Variants in KIF14 observed in about 807,000 individuals in gnomAD.
The protein encoded by KIF14 is kinesin family member 14, also known as kinesin-like protein KIF14.
KIF14 carries 98 observed loss-of-function variants against 176.2 expected under a neutral mutation model. That is an observed-to-expected ratio of 0.56 (90% CI 0.47 to 0.66). The LOEUF (loss-of-function observed/expected upper bound fraction) is 0.66. KIF14 is among the 30% of genes least tolerant of loss of function. KIF14 has a pLI of 0.00. For synonymous variants in KIF14, 566 were observed against 632.2 expected, an observed-to-expected ratio of 0.90 and a Z score of 1.57; for missense variants, 1,751 against 1,920.4, an observed-to-expected ratio of 0.91 and a Z score of 1.65.
intron 5 of KIF14, 54 bp from the exon 6 acceptor site, chr1:200,606,852 C>T: frequency 7.5e-7 from 1 of 1,336,912 alleles, no homozygotes; most frequent in East Asian, 2.3e-5. Context: ...TTTCATGTAA[C>T]TTGAAATGAT....
chr1:200,619,105 T>C (rs1309118430), intron 1 of KIF14, among the ~76,000 whole-genome samples: 3 of 152,216 alleles, frequency 2.0e-5, no homozygotes, highest in Admixed American at 1.3e-4. Flanking sequence ...ACAATTCCCA[T>C]TTCTTTAGTC....
At chr1:200,613,957 C>A (rs1660281877) in intron 4 of KIF14, among the ~76,000 whole-genome samples, 1 of 152,190 alleles carries the variant, frequency 6.6e-6, no homozygotes, top group African/African-American at 2.4e-5. Context: ...TTCTGATTCA[C>A]GTTGTCCAAA....
At position 200,559,313 on chromosome 1, in the gene KIF14, T is replaced by C; in HGVS notation, c.4353+17A>G. 6.5e-7 allele frequency: 1 copy of C among 1,526,824 alleles called. No individual in the cohort carries two copies. The highest frequency in any genetic ancestry group is 1.3e-5 in the South Asian group (1 of 77,094). The allele number at this position is 1,526,824 out of a possible 1,614,324, so 94.6% of individuals were successfully genotyped here. ...TATTATTTAGTACTGTACAGAATAT[T>C]CTTTTATTCATCTTACCTCATTTTT... On this transcript the variant is annotated intron_variant, in intron 27 of 29. Coordinates refer to ENST00000367350, the MANE Select transcript of KIF14 (RefSeq NM_014875.3).
intron 5 of KIF14, among the ~76,000 whole-genome samples, chr1:200,608,404 G>A (rs953457008): frequency 2.1e-4 from 31 of 145,476 alleles, no homozygotes; most frequent in African/African-American, 6.4e-4. Flanking sequence ...TCACTCTGTC[G>A]CCCAGGCTGG....
Position 200,603,913 on chromosome 1 carries a change from T to A in KIF14, c.1789A>T (p.Ser597Cys). 1 of 1,613,786 alleles carries A rather than the reference T, an allele frequency of 6.2e-7. No individual in the cohort carries two copies. The highest frequency in any genetic ancestry group is 8.5e-7 in the Non-Finnish European group (1 of 1,179,702). ...GCCAGATCTATTAGGTTAATTCGAC[T>A]TGTTATTCTGTGATCGTGTTCTTCC... ...EGEEHDHRITSRINLIDLAGS... is the reference protein window; with the variant it reads ...EGEEHDHRITCRINLIDLAGS... Residue 597 changes from serine to cysteine, a missense_variant, in exon 9 of 30, where the codon AGT becomes TGT. Transcript: ENST00000367350.
intron 27 of KIF14, among the ~76,000 whole-genome samples, chr1:200,558,487 T>C (rs562249635): frequency 6.6e-6 from 1 of 152,328 alleles, no homozygotes; most frequent in East Asian, 1.9e-4. Flanking sequence ...GTTGGGTAAT[T>C]AGGCAAAATA....
In KIF14 at chr1:200,573,427, C is replaced by CTTTTTTTTTTTTTTTTTTTTTTTTTTT. The variant is rs869174532; in HGVS notation, c.3566+2163_3566+2164insAAAAAAAAAAAAAAAAAAAAAAAAAAA. Among the ~76,000 whole-genome samples, 36 of 77,736 alleles carry CTTTTTTTTTTTTTTTTTTTTTTTTTTT rather than the reference C, an allele frequency of 4.6e-4. 4 individuals are homozygous for CTTTTTTTTTTTTTTTTTTTTTTTTTTT. Among genetic ancestry groups the CTTTTTTTTTTTTTTTTTTTTTTTTTTT allele is most frequent in the African/African-American group, 6.8e-4 (12 of 17,556 alleles). 51.0% of individuals were successfully genotyped at this position (77,736 alleles called of 152,430 possible). ...TTCCCTACACTCAAGGAGCTCATTT[C>CTTTTTTTTTTTTTTTTTTTTTTTTTTT]TTTTTTTTTTTTTTTTTTTTTTTTG... On this transcript the variant is annotated intron_variant, in intron 22 of 29. Coordinates refer to ENST00000367350, the MANE Select transcript of KIF14 (RefSeq NM_014875.3).
chr1:200,600,509 GATTT>G lies in KIF14; in HGVS notation c.2153-10_2153-7del. On this transcript the variant is annotated splice_polypyrimidine_tract_variant and splice_region_variant and intron_variant, in intron 11 of 29. Transcript: ENST00000367350. ...TGCAATTTCTGCCTTCAATTCTGAAGATTTATACAAAGATGCATTAATAATAACA... is the reference window on the plus strand; with the variant it reads ...TGCAATTTCTGCCTTCAATTCTGAAGATACAAAGATGCATTAATAATAACA... The G allele has an allele frequency of 6.2e-7, 1 of 1,602,606 alleles. No individual in the cohort carries two copies. The highest frequency in any genetic ancestry group is 8.5e-7 in the Non-Finnish European group (1 of 1,170,076).
chr1:200,560,914 C>T, intron 25 of KIF14, 34 bp from the exon 26 acceptor site: 1 of 1,585,738 alleles, frequency 6.3e-7, no homozygotes, highest in South Asian at 1.1e-5. Context: ...GTATCAGATA[C>T]ATGAGATTAT....
At chr1:200,589,839 G>A (rs1658962598) in intron 17 of KIF14, among the ~76,000 whole-genome samples, 1 of 151,792 alleles carries the variant, frequency 6.6e-6, no homozygotes, top group Non-Finnish European at 1.5e-5. Flanking sequence ...TTTTTGGAGA[G>A]ACCGGTTTCC....
At chr1:200,588,010 C>T (rs558905903) in intron 18 of KIF14, among the ~76,000 whole-genome samples, 1 of 152,156 alleles carries the variant, frequency 6.6e-6, no homozygotes, top group Admixed American at 6.5e-5. Flanking sequence ...CCCCAACTCC[C>T]ACCCTGGTTT....
chr1:200,588,979 T>C (rs1356868242), intron 18 of KIF14, among the ~76,000 whole-genome samples: 2 of 152,202 alleles, frequency 1.3e-5, no homozygotes, highest in Non-Finnish European at 2.9e-5. Context: ...TGTAGATGCA[T>C]AAAAAGAGAA....
chr1:200,593,441 C>T (rs1659153535), intron 15 of KIF14, among the ~76,000 whole-genome samples: 1 of 152,164 alleles, frequency 6.6e-6, no homozygotes, highest in Non-Finnish European at 1.5e-5. Context: ...CTTTATAGGA[C>T]ACATAATGAT....
In KIF14 at chr1:200,613,950, T is replaced by A. The variant is rs113765613; in HGVS notation, c.1455+368A>T. 9.4e-3 allele frequency among the ~76,000 whole-genome samples: 1,437 copies of A among 152,366 alleles called. 26 individuals carry two copies. Among genetic ancestry groups the A allele is most frequent in the African/African-American group, 0.032 (1,323 of 41,588 alleles). On this transcript the variant is annotated intron_variant, in intron 4 of 29. Transcript: ENST00000367350. ...CAAATCCCAATTTCACTACTCTTTC[T>A]GATTCACGTTGTCCAAAAGGTTATG...
chr1:200,591,106 A>G (rs564133223), intron 16 of KIF14, among the ~76,000 whole-genome samples: 6 of 152,330 alleles, frequency 3.9e-5, no homozygotes, highest in Non-Finnish European at 7.3e-5. Context: ...TATACAATTA[A>G]AAATGGCTAA....
At chr1:200,570,290 G>C (rs1275338541) in intron 22 of KIF14, among the ~76,000 whole-genome samples, 3 of 152,146 alleles carry the variant, frequency 2.0e-5, no homozygotes. Context: ...GGGCTCACTA[G>C]GCTTAAAGTC....
At chr1:200,596,622 C>G (rs1200305214) in intron 14 of KIF14, among the ~76,000 whole-genome samples, 1 of 130,444 alleles carries the variant, frequency 7.7e-6, no homozygotes, top group Non-Finnish European at 1.5e-5. Flanking sequence ...TGGAGTATAG[C>G]AGAGTCATCT....
chr1:200,618,402 C>T lies in KIF14; in HGVS notation c.322G>A (p.Glu108Lys), dbSNP rs1294738381. ...KESSLLVSELEDTTEKTAETR... is the reference protein window; with the variant it reads ...KESSLLVSELKDTTEKTAETR... ...TCTGCTGTTTTTTCAGTTGTGTCTT[C>T]CAACTCACTAACAAGCAAAGATGAT... The change falls in exon 2 of 30, where the codon GAA becomes AAA. Residue 108 changes from glutamate to lysine, a missense_variant. Physicochemically the swap from Glu to Lys is moderately conservative, Grantham distance 56. Coordinates refer to ENST00000367350, the MANE Select transcript of KIF14 (RefSeq NM_014875.3). 1 of 1,614,138 alleles carries T rather than the reference C, an allele frequency of 6.2e-7. No individual in the cohort carries two copies. Among genetic ancestry groups the T allele is most frequent in the East Asian group, 2.2e-5 (1 of 44,874 alleles).
intron 21 of KIF14, among the ~76,000 whole-genome samples, chr1:200,578,800 C>T (rs1458732378): frequency 6.6e-6 from 1 of 152,058 alleles, no homozygotes; most frequent in Admixed American, 6.6e-5. Flanking sequence ...TTTCATTTAA[C>T]AAAAAATTCA....
Sources: allele counts gnomAD v4.1 joint callset (sites outside exome capture counted in the v4.1 genomes callset), GRCh38; gene constraint gnomAD v4.1.1; transcripts MANE v1.5; gene names NCBI Gene and HGNC (gene_info 2026-07-23, HGNC 2026-07-21).